The following TRIM16 variants were observed in gnomAD, a reference collection of about 807,000 sequenced individuals.
TRIM16 encodes the protein tripartite motif-containing protein 16.
TRIM16 carries 33 observed loss-of-function variants against 50.4 expected under a neutral mutation model. The observed-to-expected ratio is 0.65, with a 90% CI of 0.50 to 0.88. TRIM16 has a LOEUF of 0.88. Among genes scored for constraint, TRIM16 ranks in the 40% least tolerant of loss-of-function variants. The pLI is 0.00. For synonymous variants in TRIM16, 229 were observed against 270.7 expected (o/e 0.85, Z 1.51); for missense variants, 581 against 686.8 (o/e 0.85, Z 1.72).
chr17:15,677,824 T>A (rs761054211), intron 4 of TRIM16, 103 bp from the exon 5 acceptor site: 1 of 903,118 alleles, frequency 1.1e-6, no homozygotes, highest in Non-Finnish European at 1.3e-6. Flanking sequence ...TTTTATTGAC[T>A]CGTATATTAA....
rs77222473 is a variant in TRIM16, at chr17:15,661,469, T to C, written c.-337-9523A>G. ...GGCAACATTCATATTTCGCAGCTCC[T>C]TTCCCTGTGTACTAAGCAAGGGTCT... On this transcript the variant is annotated intron_variant, in intron 6 of 11. Coordinates refer to ENST00000649191, the MANE Select transcript of TRIM16 (RefSeq NM_001348119.1). Among the ~76,000 whole-genome samples the C allele has an allele frequency of 4.0e-3, 609 of 152,260 alleles. 2 individuals are homozygous for C. Among genetic ancestry groups the C allele is most frequent in the African/African-American group, 0.014 (578 of 41,530 alleles).
Position 15,677,713 on chromosome 17 carries a change from C to A in TRIM16, c.-581G>T. ...ATGACATAAAGCCCTGAAACACCTG[C>A]ATGGGGTTCTGAAGAAAAAGTTACA... is the stretch of plus-strand genomic sequence containing the variant. On this transcript the variant is annotated 5_prime_UTR_variant, in exon 5 of 12. The change abolishes an upstream ATG in the 5' untranslated region. Coordinates refer to ENST00000649191, the MANE Select transcript of TRIM16 (RefSeq NM_001348119.1). 2 of 995,630 alleles carry A rather than the reference C, an allele frequency of 2.0e-6. No individual in the cohort carries two copies. The highest frequency in any genetic ancestry group is 2.4e-6 in the Non-Finnish European group (2 of 834,606). The allele number at this position is 995,630 out of a possible 1,614,324, so 61.7% of individuals were successfully genotyped here. A position where few individuals can be genotyped will look rare whatever the true frequency, so the allele number is the denominator to read the frequency against.
intron 6 of TRIM16, among the ~76,000 whole-genome samples, chr17:15,673,867 A>T (rs1056277852): frequency 4.6e-5 from 7 of 152,020 alleles, no homozygotes; most frequent in Admixed American, 2.0e-4. Context: ...CCATTTTTTT[A>T]AAAATGTTTT....
chr17:15,643,630 A>T (rs1188835905), intron 7 of TRIM16, among the ~76,000 whole-genome samples: 4 of 150,690 alleles, frequency 2.7e-5, no homozygotes, highest in East Asian at 2.0e-4. Flanking sequence ...GCTGTGTCAC[A>T]GACCATTGGT....
At chr17:15,653,389 C>T (rs894577766) in intron 6 of TRIM16, among the ~76,000 whole-genome samples, 1 of 152,156 alleles carries the variant, frequency 6.6e-6, no homozygotes, top group Non-Finnish European at 1.5e-5. Flanking sequence ...CACAGTAAGA[C>T]GCATGGTGTG....
chr17:15,677,043 C>T (rs1988980425), intron 6 of TRIM16, 133 bp downstream of exon 6: 3 of 331,238 alleles, frequency 9.1e-6, no homozygotes, highest in Non-Finnish European at 1.3e-5. Flanking sequence ...AAGAGGTAAG[C>T]TATTAGGATT....
intron 9 of TRIM16, chr17:15,632,896 G>A: frequency 5.8e-6 from 3 of 513,410 alleles, no homozygotes; most frequent in Non-Finnish European, 9.5e-6. Context: ...AAAAAAACAA[G>A]TGAGAACATG....
intron 6 of TRIM16, among the ~76,000 whole-genome samples, chr17:15,655,866 G>A (rs184946401): frequency 1.7e-4 from 26 of 152,320 alleles, no homozygotes; most frequent in East Asian, 1.9e-4. Flanking sequence ...GAGCCACCGC[G>A]CCCAACGCGT....
chr17:15,678,168 G>A (rs961417314), intron 4 of TRIM16, among the ~76,000 whole-genome samples: 1 of 151,052 alleles, frequency 6.6e-6, no homozygotes, highest in South Asian at 2.1e-4. Flanking sequence ...GCAGTGAGCC[G>A]AGATCACGCC....
At chr17:15,636,553 GA>G (rs1986753572) in intron 8 of TRIM16, among the ~76,000 whole-genome samples, 2 of 148,214 alleles carry the variant, frequency 1.3e-5, no homozygotes, top group South Asian at 4.4e-4. Context: ...TCAAGTTTCC[GA>G]AATTGATTTT....
At chr17:15,629,858 C>T (rs548519507) in intron 11 of TRIM16, among the ~76,000 whole-genome samples, 2 of 152,310 alleles carry the variant, frequency 1.3e-5, no homozygotes, top group South Asian at 2.1e-4. Context: ...GCTTTACCCC[C>T]GACCTAAGCC....
At chr17:15,636,416 T>A (rs1986745923) in intron 8 of TRIM16, 147 bp from the exon 9 acceptor site, 2 of 714,962 alleles carry the variant, frequency 2.8e-6, no homozygotes, top group Non-Finnish European at 4.6e-6. Flanking sequence ...TTTATTCTCA[T>A]GTGAATTCCA....
At chr17:15,640,627 C>A (rs1482450535) in intron 8 of TRIM16, among the ~76,000 whole-genome samples, 2 of 149,358 alleles carry the variant, frequency 1.3e-5, no homozygotes, top group Non-Finnish European at 3.0e-5. Flanking sequence ...AATCTAAAAG[C>A]CAAATTACAT....
chr17:15,677,828 A>G, intron 4 of TRIM16, 107 bp from the exon 5 acceptor site: 2 of 883,452 alleles, frequency 2.3e-6, no homozygotes, highest in Non-Finnish European at 2.7e-6. Context: ...ATTGACTCGT[A>G]TATTAAAGAA....
In TRIM16 at chr17:15,628,920, T is replaced by C. The variant is rs1798519655; in HGVS notation, c.1390A>G (p.Asn464Asp). 3 of 1,614,092 alleles carry C rather than the reference T, an allele frequency of 1.9e-6. No homozygotes were observed. The stretch of plus-strand genomic sequence containing the variant: ...TTCCATTGGAGGCTCCAGGAGAAGT[T>C]GTTTCCGGAAATGCAACTGTTGCGC... ...EERNSCISGN[N>D]FSWSLQWNGK... Residue 464 changes from asparagine (N) to aspartate (D), a missense_variant, in exon 12 of 12, where the codon AAC becomes GAC. Coordinates refer to ENST00000649191, the MANE Select transcript of TRIM16 (RefSeq NM_001348119.1).
chr17:15,667,216 A>C (rs1159710082), intron 6 of TRIM16, among the ~76,000 whole-genome samples: 1 of 152,022 alleles, frequency 6.6e-6, no homozygotes, highest in Admixed American at 6.6e-5. Flanking sequence ...TTTTCACCAT[A>C]TTGTCATTTG....
At position 15,658,827 on chromosome 17, in the gene TRIM16, T is replaced by G. The variant is rs1242573279; in HGVS notation, c.-337-6881A>C. Reference sequence around the variant, plus strand: ...CTGGAGGTGCAGGCCCAATGAACTTTCTGGTTTGGGGTCACTATCAGCAAA... The same window carrying G: ...CTGGAGGTGCAGGCCCAATGAACTTGCTGGTTTGGGGTCACTATCAGCAAA... On this transcript the variant is annotated intron_variant, in intron 6 of 11. Coordinates refer to ENST00000649191, the MANE Select transcript of TRIM16 (RefSeq NM_001348119.1). The G allele has an allele frequency of 5.1e-6, 5 of 985,344 alleles. No individual in the cohort carries two copies. In the African/African-American group the frequency reaches 8.7e-5, roughly 17 times the overall value. 61.0% of individuals were successfully genotyped at this position (985,344 alleles called of 1,614,324 possible).
At chr17:15,669,809 G>C (rs1232388252) in intron 6 of TRIM16, among the ~76,000 whole-genome samples, 2 of 152,162 alleles carry the variant, frequency 1.3e-5, no homozygotes, top group African/African-American at 2.4e-5. Context: ...GCCGTTTTGG[G>C]TGGGACAATC....
chr17:15,681,429 C>T (rs1432520248), intron 3 of TRIM16, among the ~76,000 whole-genome samples: 1 of 152,232 alleles, frequency 6.6e-6, no homozygotes, highest in Non-Finnish European at 1.5e-5. Flanking sequence ...TCCAGGCCCA[C>T]GGTGAGTCTG....
Sources: gnomAD v4.1 joint callset for allele counts (sites outside exome capture counted in the v4.1 genomes callset) on GRCh38, gnomAD v4.1.1 for gene constraint, MANE v1.5 for transcripts, NCBI Gene and HGNC (gene_info 2026-07-23, HGNC 2026-07-21) for gene names.